Variants in CD6 observed in about 807,000 individuals in gnomAD.
The protein encoded by CD6 is CD6 molecule.
CD6 carries 53 observed loss-of-function variants against 75.3 expected under a neutral mutation model. That is an observed-to-expected ratio of 0.70 (90% CI 0.56 to 0.88). CD6 has a LOEUF of 0.88. Among genes scored for constraint, CD6 ranks in the 40% least tolerant of loss-of-function variants. The probability of loss-of-function intolerance (pLI) is 0.00; values close to 1 mark genes in which losing one functional copy is unlikely to be tolerated. For missense variants in CD6, 770 were observed against 897.1 expected (o/e 0.86, Z 1.81); for synonymous variants, 359 against 381.5 (o/e 0.94, Z 0.69).
At chr11:61,006,534 G>C in intron 1 of CD6, 40 bp from the exon 2 acceptor site, 1 of 1,537,654 alleles carries the variant, frequency 6.5e-7, no homozygotes. Context: ...CTCCAGGCCT[G>C]AGCTCACTCA....
At chr11:60,989,588 T>C (rs1857977179) in intron 1 of CD6, among the ~76,000 whole-genome samples, 1 of 152,216 alleles carries the variant, frequency 6.6e-6, no homozygotes. Flanking sequence ...CTATTACCTT[T>C]ACTTTCCACG....
chr11:60,991,898 A>G (rs112805321), intron 1 of CD6, among the ~76,000 whole-genome samples: 1,537 of 145,840 alleles, frequency 0.011, 29 homozygotes, highest in African/African-American at 0.037. Context: ...CTATAGAGAG[A>G]GAGACAAAGG....
At chr11:60,983,537 A>G (rs1857671683) in intron 1 of CD6, among the ~76,000 whole-genome samples, 2 of 151,860 alleles carry the variant, frequency 1.3e-5, no homozygotes, top group Admixed American at 1.3e-4. Context: ...TTTCCTCTCA[A>G]TGTGTCTGTT....
At chr11:61,008,887 TCAC>T in intron 4 of CD6, 42 bp downstream of exon 4, 24 of 1,463,738 alleles carry the variant, frequency 1.6e-5, no homozygotes, top group Non-Finnish European at 2.1e-5. Context: ...CTACCAACAC[TCAC>T]CATAGGCCTA....
At position 61,018,365 on chromosome 11, in the gene CD6, C is replaced by A. The variant is rs1161870488; in HGVS notation, c.1914C>A (p.Pro638=). The A allele has an allele frequency of 1.9e-6, 3 of 1,603,064 alleles. No individual in the cohort carries two copies. The highest frequency in any genetic ancestry group is 3.4e-5 in the Admixed American group (2 of 58,820). ...WYQNFQPPPQ[P]PSEEQFGCPG... ...AGAACTTCCAGCCACCACCCCAGCC[C>A]CCTTCGGAGGAGCAGTTTGGCTGTC... The change falls in exon 12 of 13, where the codon CCC becomes CCA. Residue 638 remains proline (P), a synonymous_variant. Coordinates refer to ENST00000313421, the MANE Select transcript of CD6 (RefSeq NM_006725.5).
chr11:60,990,718 T>C (rs1289793974), intron 1 of CD6, among the ~76,000 whole-genome samples: 2 of 146,224 alleles, frequency 1.4e-5, no homozygotes, highest in African/African-American at 2.5e-5. Flanking sequence ...CCCACATTTT[T>C]ATACTCCTAT....
intron 1 of CD6, among the ~76,000 whole-genome samples, chr11:60,989,585 C>T (rs1172914260): frequency 1.3e-5 from 2 of 152,224 alleles, no homozygotes; most frequent in South Asian, 4.1e-4. Context: ...GCTCTATTAC[C>T]TTTACTTTCC....
At chr11:61,001,029 G>A (rs1412141295) in intron 1 of CD6, among the ~76,000 whole-genome samples, 4 of 151,930 alleles carry the variant, frequency 2.6e-5, no homozygotes, top group Non-Finnish European at 4.4e-5. Context: ...CCAGAATTTG[G>A]GACACAACTA....
rs776291356 is a variant in CD6 at position 61,017,870 on chromosome 11, G to T, written c.1694G>T (p.Ser565Ile). The T allele has an allele frequency of 4.3e-6, 7 of 1,614,028 alleles. No homozygotes were observed. The highest frequency in any genetic ancestry group is 5.9e-6 in the Non-Finnish European group (7 of 1,180,046). Residue 565 changes from serine (S) to isoleucine (I), a missense_variant, in exon 11 of 13, where the codon AGC becomes ATC. Physicochemically the swap from Ser to Ile is moderately radical, Grantham distance 142 (BLOSUM62 -2). Transcript: ENST00000313421. ...QYHPRSNSES[S>I]TSSGEDYCNS... ...CACCCGAGGAGCAACAGTGAGTCGA[G>T]CACCTCTTCAGGGGAGGATTACTGC...
intron 1 of CD6, among the ~76,000 whole-genome samples, chr11:60,987,430 A>G (rs1249953722): frequency 6.6e-6 from 1 of 152,176 alleles, no homozygotes; most frequent in African/African-American, 2.4e-5. Context: ...TAAAGACCCT[A>G]TTTCCAAATA....
At position 61,009,846 on chromosome 11, in the gene CD6, G is replaced by C; in HGVS notation, c.1056G>C (p.Gln352His). 6.4e-7 allele frequency: 1 copy of C among 1,566,660 alleles called. No homozygotes were observed. The highest frequency in any genetic ancestry group is 8.7e-7 in the Non-Finnish European group (1 of 1,154,014). The change falls in exon 5 of 13, where the codon CAG becomes CAC. Residue 352 changes from glutamine to histidine, a missense_variant. Transcript: ENST00000313421. The stretch of plus-strand genomic sequence containing the variant: ...TCAACAACTCCAACCTCTGCAGCCA[G>C]TCGCTGGCAGCCAGGGTCCTCTGCT... Reference protein sequence around the residue: ...WRFNNSNLCSQSLAARVLCSA... With the variant: ...WRFNNSNLCSHSLAARVLCSA...
At chr11:61,001,198 C>CT (rs143567183) in intron 1 of CD6, among the ~76,000 whole-genome samples, 41,222 of 110,376 alleles carry the variant, frequency 0.37, 9,033 homozygotes, top group African/African-American at 0.52. Flanking sequence ...GATGATGTGT[C>CT]TTTTTTTTTT....
At chr11:60,986,051 C>G (rs76038347) in intron 1 of CD6, among the ~76,000 whole-genome samples, 1 of 152,184 alleles carries the variant, frequency 6.6e-6, no homozygotes, top group African/African-American at 2.4e-5. Flanking sequence ...GGCCTTGGAA[C>G]GGGGCAAGGA....
chr11:61,018,567 GC>G, intron 12 of CD6, 174 bp downstream of exon 12: 1 of 596,270 alleles, frequency 1.7e-6, no homozygotes, highest in Non-Finnish European at 3.0e-6. Flanking sequence ...GGTAGCTCAA[GC>G]CTGTAATCCC....
At chr11:61,011,211 G>GTGTGA in intron 6 of CD6, 76 bp downstream of exon 6, 1 of 1,134,202 alleles carries the variant, frequency 8.8e-7, no homozygotes, top group Non-Finnish European at 1.3e-6. Context: ...GTGTTCCTGT[G>GTGTGA]CACACCTGTG....
intron 12 of CD6, 80 bp from the exon 13 acceptor site, chr11:61,019,174 C>A: frequency 1.9e-6 from 2 of 1,073,576 alleles, no homozygotes; most frequent in South Asian, 1.4e-5. Flanking sequence ...TGATGTGGAG[C>A]CAGAACCACT....
intron 1 of CD6, among the ~76,000 whole-genome samples, chr11:60,977,297 G>A (rs902166403): frequency 1.3e-5 from 2 of 152,316 alleles, no homozygotes; most frequent in South Asian, 4.2e-4. Context: ...TAGGACAGGA[G>A]CTTGGAGTGT....
chr11:61,004,031 A>G (rs1363570015), intron 1 of CD6, among the ~76,000 whole-genome samples: 3 of 152,226 alleles, frequency 2.0e-5, no homozygotes, highest in African/African-American at 4.8e-5. Flanking sequence ...TGGGGGACAC[A>G]GGGCTGACCC....
intron 1 of CD6, among the ~76,000 whole-genome samples, chr11:60,978,774 G>C (rs1219552964): frequency 6.6e-6 from 1 of 152,234 alleles, no homozygotes; most frequent in Non-Finnish European, 1.5e-5. Context: ...CGCGGGTTCT[G>C]AATTGCATCT....
Sources: allele counts gnomAD v4.1 joint callset (sites outside exome capture counted in the v4.1 genomes callset), GRCh38; gene constraint gnomAD v4.1.1; transcripts MANE v1.5; gene names NCBI Gene and HGNC (gene_info 2026-07-23, HGNC 2026-07-21).